SOX6: variants seen among roughly 807,000 people sequenced by gnomAD.
SOX6 encodes SRY-box transcription factor 6.
A neutral mutation model predicts 97.8 loss-of-function variants in SOX6; 11 were observed. The ratio of observed to expected loss-of-function variants is 0.11; its 90% confidence interval spans 0.07 to 0.19. The LOEUF is 0.19. Ranked by LOEUF, SOX6 falls within the 10% of genes least tolerant of loss-of-function variation. The pLI, the probability that SOX6 is intolerant of heterozygous loss-of-function variation, is 1.00. For synonymous variants in SOX6, 360 were observed against 371.4 expected, an observed-to-expected ratio of 0.97 and a Z score of 0.35; for missense variants, 810 against 1,039.5, an observed-to-expected ratio of 0.78 and a Z score of 3.04.
chr11:16,177,247 A>C (rs1458256044), intron 6 of SOX6, among the ~76,000 whole-genome samples: 2 of 151,930 alleles, frequency 1.3e-5, no homozygotes, highest in South Asian at 2.1e-4. Context: ...CCCTCTATCC[A>C]GTGAATGAGA....
chr11:16,528,348 A>G (rs1861196729), intron 4 of SOX6, among the ~76,000 whole-genome samples: 1 of 152,128 alleles, frequency 6.6e-6, no homozygotes, highest in South Asian at 2.1e-4. Context: ...CAATATTTCA[A>G]GGAAGACGTT....
At chr11:16,076,139 A>T (rs1848346716) in intron 9 of SOX6, among the ~76,000 whole-genome samples, 1 of 152,152 alleles carries the variant, frequency 6.6e-6, no homozygotes, top group African/African-American at 2.4e-5. Context: ...TAAGTTTAAA[A>T]CCTAAAACTA....
chr11:16,354,038 T>C lies in SOX6; in HGVS notation c.-5+2056A>G, dbSNP rs553981011. ...GAACTGGAAAACTGCTTGCTACCAG[T>C]CTTACCAGGATCTATTGCCAGAAGG... On this transcript the variant is annotated intron_variant, in intron 1 of 15. Transcript: ENST00000683767. 5.9e-5 allele frequency among the ~76,000 whole-genome samples: 9 copies of C among 152,118 alleles called. No homozygotes were observed. The East Asian group carries it at 1.7e-3, about 29-fold the overall frequency.
intron 4 of SOX6, among the ~76,000 whole-genome samples, chr11:16,523,625 C>A (rs1565171486): frequency 1.3e-5 from 2 of 152,096 alleles, no homozygotes; most frequent in East Asian, 3.9e-4. Flanking sequence ...CAAGAAATAA[C>A]TAAGATCAGA....
At chr11:16,533,382 A>G (rs1437624475) in intron 4 of SOX6, among the ~76,000 whole-genome samples, 1 of 151,966 alleles carries the variant, frequency 6.6e-6, no homozygotes, top group East Asian at 1.9e-4. Flanking sequence ...AAATATCAAT[A>G]AAGAGTATTA....
intron 3 of SOX6, among the ~76,000 whole-genome samples, chr11:16,625,177 C>A (rs1467506396): frequency 6.6e-6 from 1 of 152,042 alleles, no homozygotes; most frequent in Non-Finnish European, 1.5e-5. Context: ...TTTCTAGGTC[C>A]TGTCTAAAAA....
upstream of SOX6, among the ~76,000 whole-genome samples, chr11:16,358,441 GGT>G (rs1333281728): frequency 6.6e-6 from 1 of 151,994 alleles, no homozygotes; most frequent in African/African-American, 2.4e-5. Flanking sequence ...AAACAAACAG[GGT>G]AACTAAGGGG....
intron 7 of SOX6, among the ~76,000 whole-genome samples, chr11:16,102,220 C>T (rs1362952747): frequency 6.6e-6 from 1 of 151,738 alleles, no homozygotes; most frequent in Non-Finnish European, 1.5e-5. Flanking sequence ...CGTAGTGGCT[C>T]TGCTATACAC....
intron 3 of SOX6, among the ~76,000 whole-genome samples, chr11:16,660,094 C>T (rs780990577): frequency 2.0e-5 from 3 of 151,922 alleles, no homozygotes; most frequent in South Asian, 2.1e-4. Context: ...ATTTTCTCTA[C>T]GGTTTTCCTA....
At position 16,131,127 on chromosome 11, in the gene SOX6, C is replaced by A. The variant is rs185536491; in HGVS notation, c.778-19204G>T. On this transcript the variant is annotated intron_variant, in intron 6 of 15. Transcript: ENST00000683767. ...ATGGTAGAATGGGTGTCATTAAAAT[C>A]GTAAACTTTGCTCTTTAGAAGACAT... 7.9e-5 allele frequency among the ~76,000 whole-genome samples: 12 copies of A among 151,300 alleles called. No individual in the cohort carries two copies. In the East Asian group the frequency reaches 1.7e-3, roughly 22 times the overall value.
chr11:16,336,482 C>G (rs1040282011), intron 2 of SOX6, among the ~76,000 whole-genome samples: 1 of 152,104 alleles, frequency 6.6e-6, no homozygotes, highest in Non-Finnish European at 1.5e-5. Flanking sequence ...CAATGAATAA[C>G]CTCCCTAACT....
At chr11:16,244,188 T>C (rs1853271778) in intron 3 of SOX6, among the ~76,000 whole-genome samples, 1 of 151,882 alleles carries the variant, frequency 6.6e-6, no homozygotes, top group Non-Finnish European at 1.5e-5. Context: ...GTCTTAGTGT[T>C]AGCACTTTAA....
chr11:16,126,270 T>A (rs1849610314), intron 6 of SOX6, among the ~76,000 whole-genome samples: 1 of 152,044 alleles, frequency 6.6e-6, no homozygotes, highest in African/African-American at 2.4e-5. Context: ...TCTATAGACT[T>A]TTTTTTAGTT....
intron 9 of SOX6, among the ~76,000 whole-genome samples, chr11:16,067,820 A>C (rs1253741279): frequency 6.6e-6 from 1 of 152,152 alleles, no homozygotes; most frequent in Non-Finnish European, 1.5e-5. Flanking sequence ...GCCCACAAAA[A>C]TTAAAATTTC....
At chr11:16,551,244 A>G (rs975053504) in intron 4 of SOX6, among the ~76,000 whole-genome samples, 3 of 152,188 alleles carry the variant, frequency 2.0e-5, no homozygotes, top group East Asian at 3.9e-4. Flanking sequence ...CCAGCTACTC[A>G]AGAGCTGAGG....
intron 3 of SOX6, among the ~76,000 whole-genome samples, chr11:16,622,742 C>G (rs923945530): frequency 1.8e-4 from 28 of 152,162 alleles, no homozygotes; most frequent in Admixed American, 1.7e-3. Context: ...GTGCAAGTCT[C>G]TTTTTCGTAT....
chr11:16,736,784 T>C (rs1017156637), intron 1 of SOX6, among the ~76,000 whole-genome samples: 9 of 152,228 alleles, frequency 5.9e-5, no homozygotes, highest in Non-Finnish European at 1.3e-4. Flanking sequence ...AGTGAAAATA[T>C]TTTAATTCTA....
intron 1 of SOX6, among the ~76,000 whole-genome samples, chr11:16,470,647 C>G (rs1860126158): frequency 6.6e-6 from 1 of 152,072 alleles, no homozygotes; most frequent in African/African-American, 2.4e-5. Context: ...ATACAGCAAC[C>G]AAGTGAAGAC....
At chr11:16,631,040 T>G (rs774794069) in intron 3 of SOX6, among the ~76,000 whole-genome samples, 8 of 152,142 alleles carry the variant, frequency 5.3e-5, no homozygotes, top group Non-Finnish European at 8.8e-5. Flanking sequence ...TAATCCAAAC[T>G]TTCCACTCTG....
Sources: gnomAD v4.1 joint callset for allele counts (sites outside exome capture counted in the v4.1 genomes callset) on GRCh38, gnomAD v4.1.1 for gene constraint, MANE v1.5 for transcripts, NCBI Gene and HGNC (gene_info 2026-07-23, HGNC 2026-07-21) for gene names.